The following BMERB1 variants were observed in gnomAD, a reference collection of about 807,000 sequenced individuals.
BMERB1 encodes the protein bMERB domain-containing protein 1.
In BMERB1, 12 loss-of-function variants were observed where a neutral mutation model predicts 23.6. The ratio of observed to expected loss-of-function variants is 0.51; its 90% CI spans 0.33 to 0.82. The LOEUF is 0.82. BMERB1 is among the 40% of genes least tolerant of loss of function. The pLI is 0.03. For synonymous variants in BMERB1, 122 were observed against 96.6 expected, an observed-to-expected ratio of 1.26 and a Z score of -1.54; for missense variants, 247 against 255.4, an observed-to-expected ratio of 0.97 and a Z score of 0.22.
At chr16:15,465,357 T>C (rs917683927) in intron 1 of BMERB1, among the ~76,000 whole-genome samples, 14 of 138,072 alleles carry the variant, frequency 1.0e-4, no homozygotes, top group Admixed American at 3.5e-4. Flanking sequence ...ATATATATTT[T>C]TTTTTTTTTT....
chr16:15,520,179 C>CTAGGGG (rs2051832912), intron 2 of BMERB1, among the ~76,000 whole-genome samples: 1 of 151,886 alleles, frequency 6.6e-6, no homozygotes, highest in African/African-American at 2.4e-5. Context: ...AGGTCACCAG[C>CTAGGGG]TAGGATAAAG....
intron 2 of BMERB1, among the ~76,000 whole-genome samples, chr16:15,530,820 GA>G (rs1488397831): frequency 6.6e-6 from 1 of 151,984 alleles, no homozygotes; most frequent in Non-Finnish European, 1.5e-5. Flanking sequence ...TGGTGAAGAG[GA>G]ACCTTCTGCC....
chr16:15,456,961 G>A (rs1034572989), intron 1 of BMERB1, among the ~76,000 whole-genome samples: 2 of 151,982 alleles, frequency 1.3e-5, no homozygotes, highest in Non-Finnish European at 2.9e-5. Flanking sequence ...GAGTACCTGG[G>A]ATTACAGGCA....
chr16:15,542,133 G>A (rs1187767574), intron 2 of BMERB1, among the ~76,000 whole-genome samples: 1 of 149,306 alleles, frequency 6.7e-6, no homozygotes, highest in Non-Finnish European at 1.5e-5. Context: ...GCATGATTGC[G>A]GCTCACTGCA....
chr16:15,579,735 A>G (rs2030960636), intron 3 of BMERB1, among the ~76,000 whole-genome samples: 3 of 151,680 alleles, frequency 2.0e-5, no homozygotes, highest in Admixed American at 2.0e-4. Context: ...GGCATGGATG[A>G]TTTTCTTCTG....
chr16:15,541,047 G>A (rs1029704910), intron 2 of BMERB1, among the ~76,000 whole-genome samples: 6 of 151,916 alleles, frequency 3.9e-5, no homozygotes, highest in Non-Finnish European at 7.4e-5. Context: ...TCGCAAGTCC[G>A]GAGCCACCCA....
intron 1 of BMERB1, among the ~76,000 whole-genome samples, chr16:15,489,429 G>A (rs935059726): frequency 6.6e-6 from 1 of 152,070 alleles, no homozygotes; most frequent in African/African-American, 2.4e-5. Context: ...CCTCCCATTG[G>A]CAAAATTCCC....
At chr16:15,549,916 T>C (rs1378151255) in intron 2 of BMERB1, among the ~76,000 whole-genome samples, 1 of 152,196 alleles carries the variant, frequency 6.6e-6, no homozygotes, top group Non-Finnish European at 1.5e-5. Flanking sequence ...TTTTCTCTTA[T>C]TGCTTCTATC....
chr16:15,442,673 CTCA>C, intron 1 of BMERB1, among the ~76,000 whole-genome samples: 1 of 152,232 alleles, frequency 6.6e-6, no homozygotes, highest in South Asian at 2.1e-4. Flanking sequence ...TTATTAAATT[CTCA>C]TAACAGCCCT....
intron 2 of BMERB1, among the ~76,000 whole-genome samples, chr16:15,517,430 G>A (rs1380993880): frequency 6.6e-6 from 1 of 152,152 alleles, no homozygotes; most frequent in Non-Finnish European, 1.5e-5. Flanking sequence ...AGAATCATTT[G>A]AACCTGGGAG....
intron 1 of BMERB1, among the ~76,000 whole-genome samples, chr16:15,508,813 G>A (rs556346944): frequency 7.3e-5 from 10 of 136,810 alleles, no homozygotes; most frequent in African/African-American, 2.3e-4. Flanking sequence ...AAGACAGAGC[G>A]AGACCCTGCC....
chr16:15,451,552 C>CTTTTTTTTT (rs35544766), intron 1 of BMERB1, among the ~76,000 whole-genome samples: 2 of 84,024 alleles, frequency 2.4e-5, no homozygotes, highest in Non-Finnish European at 2.3e-5. Context: ...CTTAGTATTT[C>CTTTTTTTTT]TTTTTTTTTT....
intron 2 of BMERB1, among the ~76,000 whole-genome samples, chr16:15,539,710 G>A (rs1193415945): frequency 6.6e-6 from 1 of 151,946 alleles, no homozygotes; most frequent in Non-Finnish European, 1.5e-5. Context: ...GGGCGTGGTG[G>A]TGCACACCTG....
chr16:15,454,790 T>TAAA (rs11452641), intron 1 of BMERB1, among the ~76,000 whole-genome samples: 6 of 144,148 alleles, frequency 4.2e-5, no homozygotes, highest in African/African-American at 1.3e-4. Context: ...AGACTCAGTC[T>TAAA]AAAAAAAAAA....
chr16:15,507,085 AG>A (rs1468360487), intron 1 of BMERB1, among the ~76,000 whole-genome samples: 1 of 152,206 alleles, frequency 6.6e-6, no homozygotes, highest in Non-Finnish European at 1.5e-5. Flanking sequence ...ATAAAGCAGA[AG>A]TAAAGGCAGA....
At chr16:15,506,842 C>T (rs1030926483) in intron 1 of BMERB1, among the ~76,000 whole-genome samples, 3 of 152,220 alleles carry the variant, frequency 2.0e-5, no homozygotes, top group Admixed American at 6.5e-5. Context: ...AAAGCCTTCT[C>T]TGGCAATACT....
intron 2 of BMERB1, chr16:15,536,924 A>G (rs2052030811): frequency 6.6e-6 from 1 of 152,202 alleles, no homozygotes. Flanking sequence ...AACTTGCTTC[A>G]GATGTTAATA....
At chr16:15,568,988 G>A (rs1426857155) in intron 3 of BMERB1, among the ~76,000 whole-genome samples, 1 of 152,078 alleles carries the variant, frequency 6.6e-6, no homozygotes, top group African/African-American at 2.4e-5. Flanking sequence ...AGGCTGAGAG[G>A]GCAGATCACT....
chr16:15,469,610 A>G (rs2051212333), intron 1 of BMERB1, among the ~76,000 whole-genome samples: 1 of 152,218 alleles, frequency 6.6e-6, no homozygotes, highest in Non-Finnish European at 1.5e-5. Flanking sequence ...GGAGTTTGCC[A>G]ATCCATGAAC....
Sources: gnomAD v4.1 joint callset for allele counts (sites outside exome capture counted in the v4.1 genomes callset) on GRCh38, gnomAD v4.1.1 for gene constraint, MANE v1.5 for transcripts, NCBI Gene and HGNC (gene_info 2026-07-23, HGNC 2026-07-21) for gene names.